ITGB5: variants seen among roughly 807,000 people sequenced by gnomAD.
The protein encoded by ITGB5 is integrin beta-5.
Under a neutral mutation model 84.8 loss-of-function variants are expected in ITGB5, and 38 were observed. The ratio of observed to expected loss-of-function variants is 0.45; its 90% CI spans 0.35 to 0.59. The LOEUF is 0.59. Among genes scored for constraint, ITGB5 ranks in the 20% least tolerant of loss-of-function variants. The pLI is 0.01. For missense variants in ITGB5, 905 were observed against 1,034.5 expected (o/e 0.87, Z 1.72); for synonymous variants, 393 against 414.4 (o/e 0.95, Z 0.63).
At chr3:124,824,085 A>G (rs2064748071) in intron 5 of ITGB5, among the ~76,000 whole-genome samples, 5 of 152,230 alleles carry the variant, frequency 3.3e-5, no homozygotes, top group Admixed American at 3.3e-4. Context: ...TGACAAGCTG[A>G]TTATAATATT....
chr3:124,886,434 C>T (rs1160050978), intron 1 of ITGB5, among the ~76,000 whole-genome samples: 2 of 152,148 alleles, frequency 1.3e-5, no homozygotes, highest in Non-Finnish European at 2.9e-5. Context: ...CCTGTGCACC[C>T]GCTGTTCCAG....
At chr3:124,863,072 C>A (rs895775953) in intron 2 of ITGB5, 3 of 152,236 alleles carry the variant, frequency 2.0e-5, no homozygotes, top group Admixed American at 2.0e-4. Context: ...TGCCAGGCAT[C>A]TCTATCATCA....
intron 5 of ITGB5, among the ~76,000 whole-genome samples, chr3:124,831,654 C>T (rs1419908360): frequency 6.6e-6 from 1 of 152,160 alleles, no homozygotes; most frequent in East Asian, 1.9e-4. Flanking sequence ...AATAAAGATG[C>T]CATCCCAGAG....
chr3:124,896,369 A>G (rs1935101183), intron 1 of ITGB5, among the ~76,000 whole-genome samples: 1 of 152,176 alleles, frequency 6.6e-6, no homozygotes, highest in Non-Finnish European at 1.5e-5. Context: ...GATGCCTGCA[A>G]TGCTCACTAG....
chr3:124,769,515 A>G (rs1559922124), intron 11 of ITGB5: 1 of 160,680 alleles, frequency 6.2e-6, no homozygotes, highest in East Asian at 1.8e-4. Context: ...ATGCCCCAAC[A>G]TTGTCCTAGT....
Position 124,821,302 on chromosome 3 carries a change from C to G in ITGB5, c.942+11G>C, listed in dbSNP as rs368619656. The G allele has an allele frequency of 6.2e-7, 1 of 1,607,920 alleles. No individual in the cohort carries two copies. Among genetic ancestry groups the G allele is most frequent in the Non-Finnish European group, 8.5e-7 (1 of 1,176,934 alleles). ...GCAACAGGGAGGGGGGATCTGGTTC[C>G]CGGCACTCACCATCTGGTTGGATGC... On this transcript the variant is annotated intron_variant, in intron 6 of 14. Coordinates refer to ENST00000296181, the MANE Select transcript of ITGB5 (RefSeq NM_002213.5).
chr3:124,825,517 AG>A (rs2064772866), intron 5 of ITGB5, among the ~76,000 whole-genome samples: 1 of 152,260 alleles, frequency 6.6e-6, no homozygotes, highest in African/African-American at 2.4e-5. Flanking sequence ...TGCAATAAAA[AG>A]GAACAAACTA....
intron 11 of ITGB5, 119 bp downstream of exon 11, chr3:124,773,571 G>C: frequency 1.2e-6 from 1 of 828,754 alleles, no homozygotes; most frequent in Non-Finnish European, 1.9e-6. Flanking sequence ...AGCGAGGCTT[G>C]CTGGGTGGGA....
intron 6 of ITGB5, among the ~76,000 whole-genome samples, chr3:124,820,688 T>C (rs76414416): frequency 2.6e-5 from 4 of 152,182 alleles, no homozygotes; most frequent in Non-Finnish European, 4.4e-5. Context: ...ACAGTGAGTA[T>C]GCAAGATCTT....
intron 2 of ITGB5, among the ~76,000 whole-genome samples, chr3:124,868,550 G>A (rs1226121510): frequency 6.7e-6 from 1 of 149,774 alleles, no homozygotes; most frequent in African/African-American, 2.5e-5. Context: ...GGAAGCCAAG[G>A]TGAGAGGATC....
chr3:124,782,274 G>C (rs1373570268), intron 10 of ITGB5, among the ~76,000 whole-genome samples: 3 of 152,188 alleles, frequency 2.0e-5, no homozygotes, highest in Non-Finnish European at 4.4e-5. Context: ...CCACACAGCA[G>C]GTAGGTGGCA....
upstream of ITGB5, chr3:124,887,725 T>C: frequency 2.2e-6 from 1 of 450,958 alleles, no homozygotes; most frequent in Non-Finnish European, 4.5e-6. Context: ...CCAAAGGCGG[T>C]TGCTAGACTG....
intron 1 of ITGB5, among the ~76,000 whole-genome samples, chr3:124,874,977 C>A (rs1364625020): frequency 6.6e-6 from 1 of 152,144 alleles, no homozygotes; most frequent in Non-Finnish European, 1.5e-5. Flanking sequence ...CCCAGAAGCA[C>A]AGGCAACAAA....
intron 10 of ITGB5, chr3:124,792,019 C>CA (rs750341790): frequency 4.6e-5 from 7 of 152,226 alleles, no homozygotes; most frequent in African/African-American, 1.2e-4. Flanking sequence ...GAGCTGGACT[C>CA]AGTTTAAGTC....
At chr3:124,811,381 A>T (rs2064499000) in intron 8 of ITGB5, among the ~76,000 whole-genome samples, 1 of 152,250 alleles carries the variant, frequency 6.6e-6, no homozygotes, top group Admixed American at 6.5e-5. Flanking sequence ...ACAAATATTA[A>T]AAAATAAATT....
At chr3:124,771,064 T>TCTAA (rs1322729027) in intron 11 of ITGB5, among the ~76,000 whole-genome samples, 10 of 151,524 alleles carry the variant, frequency 6.6e-5, no homozygotes, top group South Asian at 2.1e-4. Context: ...GACATATCAG[T>TCTAA]CTAACTCATA....
At chr3:124,861,525 CACAGAGAG>C (rs1180618564) in intron 2 of ITGB5, among the ~76,000 whole-genome samples, 2 of 145,744 alleles carry the variant, frequency 1.4e-5, no homozygotes, top group African/African-American at 5.3e-5. Flanking sequence ...CACACACACA[CACAGAGAG>C]ATACACATAT....
chr3:124,799,880 T>A (rs1426823526), intron 9 of ITGB5, among the ~76,000 whole-genome samples: 5 of 152,186 alleles, frequency 3.3e-5, no homozygotes, highest in Non-Finnish European at 2.9e-5. Context: ...GACCCCTTGA[T>A]GGTGATCCCC....
At chr3:124,804,124 A>G (rs75407877) in intron 9 of ITGB5, among the ~76,000 whole-genome samples, 7,730 of 152,226 alleles carry the variant, frequency 0.051, 464 homozygotes, top group African/African-American at 0.14. Context: ...TTGCATCTGG[A>G]AAGAGTTCTG....
Sources: gnomAD v4.1 joint callset for allele counts (sites outside exome capture counted in the v4.1 genomes callset) on GRCh38, gnomAD v4.1.1 for gene constraint, MANE v1.5 for transcripts, NCBI Gene and HGNC (gene_info 2026-07-23, HGNC 2026-07-21) for gene names.